The following EEIG1 variants were observed in gnomAD, a reference collection of about 807,000 sequenced individuals.
The protein encoded by EEIG1 is early estrogen-induced gene 1 protein.
At chr9:127,952,917 G>A in the EEIG1 span, among the ~76,000 whole-genome samples, 5 of 152,098 alleles carry the variant, frequency 3.3e-5, no homozygotes, top group Middle Eastern at 3.2e-3. Flanking sequence ...GGGTTTTGTC[G>A]TATTGCCAAA....
chr9:127,950,268 T>C, the EEIG1 span, among the ~76,000 whole-genome samples: 3 of 152,288 alleles, frequency 2.0e-5, no homozygotes, highest in South Asian at 6.2e-4. Context: ...CCTCTGATAG[T>C]GGTTTCCTGA....
the EEIG1 span, among the ~76,000 whole-genome samples, chr9:127,970,475 C>A: frequency 1.3e-5 from 2 of 152,162 alleles, no homozygotes; most frequent in Non-Finnish European, 2.9e-5. Flanking sequence ...TGTCAGACTG[C>A]TTCCTGCTGT....
At chr9:127,946,618 TG>T in the EEIG1 span, among the ~76,000 whole-genome samples, 1 of 152,202 alleles carries the variant, frequency 6.6e-6, no homozygotes, top group Admixed American at 6.5e-5. Flanking sequence ...AGGCACCACC[TG>T]CGCTGGGGTG....
At chr9:127,950,441 C>T in the EEIG1 span, 1 of 1,613,900 alleles carries the variant, frequency 6.2e-7, no homozygotes, top group African/African-American at 1.3e-5. Flanking sequence ...TGGAGTTGTC[C>T]TGGCGAGTGT....
At chr9:127,948,210 G>A in the EEIG1 span, 6,323 of 1,613,972 alleles carry the variant, frequency 3.9e-3, 16 homozygotes, top group Non-Finnish European at 4.7e-3. Context: ...AGATGGACTT[G>A]GCAGTCGATG....
the EEIG1 span, chr9:127,948,485 C>T: frequency 2.0e-6 from 3 of 1,491,758 alleles, no homozygotes; most frequent in East Asian, 4.5e-5. Flanking sequence ...CCCCCTGCAG[C>T]CTTTCGGCTC....
At chr9:127,975,568 C>G in the EEIG1 span, among the ~76,000 whole-genome samples, 3 of 152,302 alleles carry the variant, frequency 2.0e-5, no homozygotes, top group African/African-American at 7.2e-5. Context: ...GTCCACTCAG[C>G]TACGCCATCA....
chr9:127,954,007 C>G, the EEIG1 span: 1 of 1,556,082 alleles, frequency 6.4e-7, no homozygotes, highest in African/African-American at 1.4e-5. Flanking sequence ...ACATGGCACT[C>G]CCCATTGGGA....
At chr9:127,964,600 G>A in the EEIG1 span, among the ~76,000 whole-genome samples, 11 of 152,218 alleles carry the variant, frequency 7.2e-5, no homozygotes, top group Non-Finnish European at 1.3e-4. Context: ...AAAGGAATCC[G>A]GGTATCACTG....
chr9:127,952,887 T>C, the EEIG1 span, among the ~76,000 whole-genome samples: 1 of 152,174 alleles, frequency 6.6e-6, no homozygotes, highest in African/African-American at 2.4e-5. Context: ...TTAATTTTTT[T>C]TGTATCTGTA....
At chr9:127,971,730 C>T in the EEIG1 span, among the ~76,000 whole-genome samples, 1 of 152,170 alleles carries the variant, frequency 6.6e-6, no homozygotes, top group Admixed American at 6.5e-5. Context: ...CCACAGTCTG[C>T]GGAATGAGCT....
chr9:127,969,583 G>A, the EEIG1 span, among the ~76,000 whole-genome samples: 4 of 152,112 alleles, frequency 2.6e-5, no homozygotes, highest in Admixed American at 1.3e-4. Flanking sequence ...AGCAAAGCTC[G>A]GGGAGATCTA....
At chr9:127,943,491 C>T in the EEIG1 span, 4 of 535,174 alleles carry the variant, frequency 7.5e-6, no homozygotes, top group South Asian at 2.1e-5. Context: ...TCACGGTCAC[C>T]TCGGCAGGGA....
At chr9:127,953,126 T>C in the EEIG1 span, 10 of 167,408 alleles carry the variant, frequency 6.0e-5, no homozygotes, top group Non-Finnish European at 1.0e-4. Flanking sequence ...CAAGACTCTG[T>C]CTCCAGAGGA....
chr9:127,958,808 T>C, the EEIG1 span, among the ~76,000 whole-genome samples: 1 of 151,924 alleles, frequency 6.6e-6, no homozygotes, highest in Non-Finnish European at 1.5e-5. Flanking sequence ...CCAGAATATA[T>C]AAAGAGCACC....
chr9:127,950,413 T>A, the EEIG1 span: 1 of 1,613,292 alleles, frequency 6.2e-7, no homozygotes, highest in East Asian at 2.2e-5. Context: ...GGTGGCAGGA[T>A]CCCTGGTACC....
At chr9:127,964,471 G>A in the EEIG1 span, among the ~76,000 whole-genome samples, 2 of 152,250 alleles carry the variant, frequency 1.3e-5, no homozygotes, top group Non-Finnish European at 2.9e-5. Flanking sequence ...GCCTCAGGCT[G>A]CCAGGCTCAC....
the EEIG1 span, among the ~76,000 whole-genome samples, chr9:127,952,440 G>A: frequency 4.6e-5 from 7 of 152,224 alleles, no homozygotes; most frequent in Admixed American, 3.3e-4. Flanking sequence ...TGGAGAAGAG[G>A]GATGGAAGGC....
chr9:127,955,030 A>G, the EEIG1 span, among the ~76,000 whole-genome samples: 52 of 152,214 alleles, frequency 3.4e-4, no homozygotes, highest in African/African-American at 1.2e-3. Context: ...GCAGCTCCCC[A>G]TCTCCATACA....
Sources: allele counts gnomAD v4.1 joint callset (sites outside exome capture counted in the v4.1 genomes callset), GRCh38; gene constraint gnomAD v4.1.1; transcripts MANE v1.5; gene names NCBI Gene and HGNC (gene_info 2026-07-23, HGNC 2026-07-21).